MAG: variants seen among roughly 807,000 people sequenced by gnomAD.
The protein encoded by MAG is myelin associated glycoprotein.
MAG carries 30 observed loss-of-function variants against 60.7 expected under a neutral mutation model. The observed-to-expected ratio is 0.49, with a 90% CI of 0.37 to 0.67. The LOEUF (loss-of-function observed/expected upper bound fraction) is 0.67, where lower values mean the gene tolerates loss of function less well. Among genes scored for constraint, MAG ranks in the 30% least tolerant of loss-of-function variants. The pLI, the probability that MAG is intolerant of heterozygous loss-of-function variation, is 0.00. For missense variants in MAG, 795 were observed against 851.7 expected, an observed-to-expected ratio of 0.93 and a Z score of 0.83; for synonymous variants, 384 against 376.8, an observed-to-expected ratio of 1.02 and a Z score of -0.22.
rs140544202 is a variant in MAG, at chr19:35,295,796, G to T, written c.230G>T (p.Arg77Leu). 12 of 1,613,614 alleles carry T rather than the reference G, an allele frequency of 7.4e-6. No individual in the cohort carries two copies. The African/African-American group carries it at 1.1e-4, about 14-fold the overall frequency. The change falls in exon 4 of 11, where the codon CGC (arginine) becomes CTC (leucine). Residue 77 changes from arginine to leucine, a missense_variant. Coordinates refer to ENST00000392213, the MANE Select transcript of MAG (RefSeq NM_002361.4). The surrounding 1 kb of genome is among the most constrained non-coding windows in gnomAD (Gnocchi z 5.8). ...TACCCCCCGGTGGTCTTCAAGTCGC[G>T]CACCCAAGTAGTCCACGAGAGCTTC... ...KNYPPVVFKSRTQVVHESFQG... is the reference protein window; with the variant it reads ...KNYPPVVFKSLTQVVHESFQG...
At chr19:35,292,849 C>T (rs2066367320) in intron 1 of MAG, among the ~76,000 whole-genome samples, 1 of 152,086 alleles carries the variant, frequency 6.6e-6, no homozygotes, top group Non-Finnish European at 1.5e-5. Flanking sequence ...ATTCTCCCAA[C>T]TTGGCCTTCC....
Position 35,302,676 on chromosome 19 carries a change from A to C in MAG, c.1199A>C (p.Gln400Pro). 6.2e-7 allele frequency: 1 copy of C among 1,614,074 alleles called. No homozygotes were observed. The highest frequency in any genetic ancestry group is 8.5e-7 in the Non-Finnish European group (1 of 1,180,026). ...YWCVAENQYG[Q>P]RATAFNLSVE... Reference sequence around the variant, plus strand: ...TGTGTGGCTGAGAACCAGTATGGCCAGAGGGCCACCGCCTTCAACCTGTCT... The same window carrying C: ...TGTGTGGCTGAGAACCAGTATGGCCCGAGGGCCACCGCCTTCAACCTGTCT... The change falls in exon 7 of 11, where the codon CAG becomes CCG. Residue 400 changes from glutamine to proline, a missense_variant. By Grantham distance (76) the Gln-to-Pro change is moderately conservative. Transcript: ENST00000392213.
intron 5 of MAG, 59 bp from the exon 6 acceptor site, chr19:35,300,088 G>C: frequency 6.8e-7 from 1 of 1,472,254 alleles, no homozygotes; most frequent in Non-Finnish European, 9.0e-7. Context: ...GGCTGGGAGA[G>C]GGCACTGGGC....
At chr19:35,307,451 G>C (rs1252794368) in intron 7 of MAG, among the ~76,000 whole-genome samples, 1 of 152,212 alleles carries the variant, frequency 6.6e-6, no homozygotes, top group Non-Finnish European at 1.5e-5. Flanking sequence ...GCCAAGGAGG[G>C]TGCTGGACTC....
intron 7 of MAG, among the ~76,000 whole-genome samples, chr19:35,304,039 A>G (rs1025888571): frequency 1.6e-4 from 25 of 152,342 alleles, no homozygotes; most frequent in African/African-American, 6.0e-4. Context: ...CAACATGCAA[A>G]GAATTCAAAG....
intron 10 of MAG, chr19:35,312,348 TGCCCTCCTCTGG>T: frequency 6.2e-7 from 1 of 1,606,498 alleles, no homozygotes; most frequent in Non-Finnish European, 8.5e-7. Flanking sequence ...GGCCTCAGTG[TGCCCTCCTCTGG>T]GCCCTCCTTG....
rs752086412 is a variant in MAG, at chr19:35,300,441, G to A, written c.970+37G>A. The stretch of plus-strand genomic sequence containing the variant: ...ACTCTGTGCGTCCACACGCCCACCT[G>A]CAGCCGAGAGATAAAGGGAAAGGGG... On this transcript the variant is annotated intron_variant, in intron 6 of 10. Coordinates refer to ENST00000392213, the MANE Select transcript of MAG (RefSeq NM_002361.4). 4 of 1,522,786 alleles carry A rather than the reference G, an allele frequency of 2.6e-6. No homozygotes were observed. In the African/African-American group the frequency reaches 5.5e-5, roughly 21 times the overall value. The allele number at this position is 1,522,786 out of a possible 1,614,324, so 94.3% of individuals were successfully genotyped here.
rs1272603980 is a variant in MAG at position 35,293,873 on chromosome 19, C to T, written c.-79-362C>T. ...GGCGGCAGGAATTCACGCGGCATGT[C>T]GGGAATGCTGATACTGTGAAACCCA... On this transcript the variant is annotated intron_variant, in intron 1 of 10. Coordinates refer to ENST00000392213, the MANE Select transcript of MAG (RefSeq NM_002361.4). The surrounding 1 kb of genome is among the most constrained non-coding windows in gnomAD (Gnocchi z 4.0). Among the ~76,000 whole-genome samples, 1 of 152,024 alleles carries T rather than the reference C, an allele frequency of 6.6e-6. No homozygotes were observed. Among genetic ancestry groups the T allele is most frequent in the Non-Finnish European group, 1.5e-5 (1 of 67,984 alleles).
rs375741679 is a variant in MAG, at chr19:35,312,506, G to A, written c.1716+489G>A. ...CAGCTCCCTTCTGTCTGTGGCCACC[G>A]TCCTGTGTGTCCAAATTCCTGTGGC... On this transcript the variant is annotated intron_variant, in intron 10 of 10. Coordinates refer to ENST00000392213, the MANE Select transcript of MAG (RefSeq NM_002361.4). 3.8e-3 allele frequency: 2,173 copies of A among 575,706 alleles called. 10 individuals are homozygous for A. The highest frequency in any genetic ancestry group is 4.4e-3 in the Non-Finnish European group (1,428 of 321,378). 35.7% of individuals were successfully genotyped at this position (575,706 alleles called of 1,614,324 possible).
At chr19:35,292,432 G>GC (rs1236029378) in intron 1 of MAG, among the ~76,000 whole-genome samples, 5 of 151,950 alleles carry the variant, frequency 3.3e-5, no homozygotes, top group East Asian at 1.9e-4. Context: ...AAAACAAAGG[G>GC]CCCCCCCTCA....
chr19:35,292,521 T>G (rs2066364406), intron 1 of MAG, among the ~76,000 whole-genome samples: 1 of 151,274 alleles, frequency 6.6e-6, no homozygotes, highest in Non-Finnish European at 1.5e-5. Context: ...GTGGAGGAGG[T>G]CTGCATCTGG....
rs199885984 is a variant in MAG, at chr19:35,311,980, G to T, written c.1679G>T (p.Ser560Ile). 5 of 1,613,202 alleles carry T rather than the reference G, an allele frequency of 3.1e-6. No individual in the cohort carries two copies. The highest frequency in any genetic ancestry group is 3.4e-6 in the Non-Finnish European group (4 of 1,179,630). ...GACAACCCTCCCGTCCTGTTCAGCA[G>T]CGACTTCCGCATCTCTGGGGCACCA... ...AGDNPPVLFS[S>I]DFRISGAPEK... Residue 560 changes from serine to isoleucine, a missense_variant, in exon 10 of 11, where the codon AGC becomes ATC. Transcript: ENST00000392213.
chr19:35,295,273 ATAAAT>A lies in MAG; in HGVS notation c.-23-112_-23-108del. On this transcript the variant is annotated intron_variant, in intron 2 of 10. Transcript: ENST00000392213. This position sits in a 1 kb window ranked among gnomAD's most constrained non-coding sequence, Gnocchi z 5.8. Reference sequence around the variant, plus strand: ...GAAAAATAAGTAAATAAATGCATAAATAAATAATAATAGCAGCAGCAGCTAACATA... The same window carrying A: ...GAAAAATAAGTAAATAAATGCATAAAAATAATAGCAGCAGCAGCTAACATA... 1 of 840,766 alleles carries A rather than the reference ATAAAT, an allele frequency of 1.2e-6. No individual in the cohort carries two copies. Among genetic ancestry groups the A allele is most frequent in the Non-Finnish European group, 1.9e-6 (1 of 531,610 alleles). 52.1% of individuals were successfully genotyped at this position (840,766 alleles called of 1,614,324 possible).
intron 8 of MAG, 112 bp downstream of exon 8, chr19:35,310,273 A>G: frequency 7.4e-7 from 1 of 1,351,290 alleles, no homozygotes; most frequent in South Asian, 1.5e-5. Context: ...AGATTGACAG[A>G]AAGGTCAAAT....
At chr19:35,299,413 G>A in intron 4 of MAG, 141 bp from the exon 5 acceptor site, 1 of 621,354 alleles carries the variant, frequency 1.6e-6, no homozygotes, top group Non-Finnish European at 2.8e-6. Flanking sequence ...TTCTGAATCT[G>A]GAGGCAGGGA....
intron 10 of MAG, 109 bp downstream of exon 10, chr19:35,312,126 AG>A: frequency 7.9e-7 from 1 of 1,265,258 alleles, no homozygotes. Context: ...GGCCTCTCAC[AG>A]GAGGAGAGGA....
At chr19:35,292,966 C>G (rs1317729577) in intron 1 of MAG, among the ~76,000 whole-genome samples, 1 of 152,182 alleles carries the variant, frequency 6.6e-6, no homozygotes, top group Non-Finnish European at 1.5e-5. Flanking sequence ...TTTAATCCAA[C>G]AGATCTGCTG....
chr19:35,301,687 C>T (rs945582281), intron 6 of MAG, among the ~76,000 whole-genome samples: 1 of 152,106 alleles, frequency 6.6e-6, no homozygotes, highest in East Asian at 1.9e-4. Flanking sequence ...ACCTCGGCCT[C>T]CCAAAGTGCT....
intron 5 of MAG, 82 bp downstream of exon 5, chr19:35,299,932 A>AGGCGGGGCCGGGCCGTGATGGG: frequency 2.5e-6 from 2 of 790,578 alleles, no homozygotes; most frequent in Non-Finnish European, 3.0e-6. Flanking sequence ...ATGCGGCCGG[A>AGGCGGGGCCGGGCCGTGATGGG]GGCGGGGCCG....
Sources: gnomAD v4.1 joint callset for allele counts (sites outside exome capture counted in the v4.1 genomes callset) on GRCh38, gnomAD v4.1.1 for gene constraint, Gnocchi (gnomAD v3.1) non-coding constraint, MANE v1.5 for transcripts, NCBI Gene and HGNC (gene_info 2026-07-23, HGNC 2026-07-21) for gene names.